AKAP19: variants seen among roughly 807,000 people sequenced by gnomAD.
AKAP19 encodes the protein A-kinase anchoring protein 19.
the AKAP19 span, chr2:190,057,607 G>A: frequency 1.2e-6 from 2 of 1,613,264 alleles, no homozygotes; most frequent in South Asian, 1.1e-5. Flanking sequence ...TCTTTTTGGT[G>A]TGTCTGTTAC....
chr2:189,967,411 A>T, the AKAP19 span, among the ~76,000 whole-genome samples: 1 of 152,250 alleles, frequency 6.6e-6, no homozygotes, highest in East Asian at 1.9e-4. Flanking sequence ...AAAGAAAAGG[A>T]AACTGCTAAA....
chr2:190,199,971 G>T, the AKAP19 span: 1 of 1,614,110 alleles, frequency 6.2e-7, no homozygotes, highest in Non-Finnish European at 8.5e-7. Context: ...GTCTACCTAG[G>T]ATGGCTTCTC....
chr2:189,930,843 T>G, the AKAP19 span: 6 of 767,174 alleles, frequency 7.8e-6, no homozygotes, highest in Admixed American at 1.1e-4. Context: ...TTTGTTAGGA[T>G]AGGTGTTTGC....
the AKAP19 span, among the ~76,000 whole-genome samples, chr2:190,089,198 A>G: frequency 6.6e-6 from 1 of 152,092 alleles, no homozygotes; most frequent in Non-Finnish European, 1.5e-5. Context: ...TGTACTCAGC[A>G]TGTCCATTTC....
At chr2:189,956,352 GT>G in the AKAP19 span, among the ~76,000 whole-genome samples, 1 of 149,892 alleles carries the variant, frequency 6.7e-6, no homozygotes, top group Non-Finnish European at 1.5e-5. Flanking sequence ...TGTATTTTTA[GT>G]AGAGACGGGG....
At chr2:190,065,254 G>A in the AKAP19 span, among the ~76,000 whole-genome samples, 3,712 of 152,140 alleles carry the variant, frequency 0.024, 163 homozygotes, top group East Asian at 0.18. Context: ...CAGGAAAGCT[G>A]CAATGGAAAG....
chr2:189,886,437 G>T, the AKAP19 span, among the ~76,000 whole-genome samples: 67,974 of 152,018 alleles, frequency 0.45, 19,161 homozygotes, highest in African/African-American at 0.81. Context: ...AACTTATTTA[G>T]TTACTCAGTA....
the AKAP19 span, among the ~76,000 whole-genome samples, chr2:190,038,901 TTTCTTCTTCTTCTTCTTCTTC>T: frequency 2.2e-5 from 1 of 46,002 alleles, no homozygotes; most frequent in African/African-American, 7.3e-5. Context: ...TCTTTCTTTC[TTTCTTCTTCTTCTTCTTCTTC>T]TTCTTCTTCT....
At chr2:190,174,742 T>G in the AKAP19 span, among the ~76,000 whole-genome samples, 1 of 152,234 alleles carries the variant, frequency 6.6e-6, no homozygotes, top group Non-Finnish European at 1.5e-5. Flanking sequence ...TTTATATGAC[T>G]TTTAACAATG....
the AKAP19 span, among the ~76,000 whole-genome samples, chr2:190,189,172 G>GA: frequency 6.6e-6 from 1 of 152,178 alleles, no homozygotes; most frequent in Non-Finnish European, 1.5e-5. Flanking sequence ...TGAGAAGAAA[G>GA]AAACAGAGAC....
the AKAP19 span, among the ~76,000 whole-genome samples, chr2:190,191,369 T>C: frequency 6.6e-6 from 1 of 152,170 alleles, no homozygotes; most frequent in African/African-American, 2.4e-5. Context: ...GGTCTCAAAC[T>C]CCTGACCTCA....
the AKAP19 span, chr2:189,923,438 G>T: frequency 6.2e-7 from 1 of 1,613,898 alleles, no homozygotes; most frequent in East Asian, 2.2e-5. Flanking sequence ...TGATGTGGAG[G>T]CAATCTTTTC....
the AKAP19 span, among the ~76,000 whole-genome samples, chr2:189,948,937 T>C: frequency 1.4e-4 from 21 of 152,320 alleles, no homozygotes; most frequent in African/African-American, 4.3e-4. Flanking sequence ...TGTTTTGTTT[T>C]TCTAGTTCTT....
At chr2:190,142,127 A>G in the AKAP19 span, among the ~76,000 whole-genome samples, 3 of 152,168 alleles carry the variant, frequency 2.0e-5, no homozygotes, top group African/African-American at 7.2e-5. Context: ...TATTGGTTCC[A>G]ACTGATTTCA....
At chr2:190,121,960 G>C in the AKAP19 span, among the ~76,000 whole-genome samples, 1 of 152,098 alleles carries the variant, frequency 6.6e-6, no homozygotes, top group South Asian at 2.1e-4. Flanking sequence ...TTCTTTGAGG[G>C]GGAATTTGTG....
At chr2:190,098,351 G>A in the AKAP19 span, among the ~76,000 whole-genome samples, 4 of 152,144 alleles carry the variant, frequency 2.6e-5, no homozygotes, top group Non-Finnish European at 5.9e-5. Context: ...TAAGCTCCAT[G>A]TATATGTGAA....
the AKAP19 span, among the ~76,000 whole-genome samples, chr2:190,037,626 G>T: frequency 6.6e-6 from 1 of 152,172 alleles, no homozygotes; most frequent in Non-Finnish European, 1.5e-5. Context: ...AAACCACTTG[G>T]AGCCATGTTG....
the AKAP19 span, among the ~76,000 whole-genome samples, chr2:189,948,163 G>A: frequency 6.6e-6 from 1 of 152,098 alleles, no homozygotes; most frequent in South Asian, 2.1e-4. Flanking sequence ...AAAATGTATA[G>A]CATTCTTCAT....
chr2:190,105,747 T>C, the AKAP19 span, among the ~76,000 whole-genome samples: 1 of 152,224 alleles, frequency 6.6e-6, no homozygotes, highest in Non-Finnish European at 1.5e-5. Flanking sequence ...CTGGTAATGC[T>C]CCCATGTGGT....
Sources: allele counts gnomAD v4.1 joint callset (sites outside exome capture counted in the v4.1 genomes callset), GRCh38; gene constraint gnomAD v4.1.1; transcripts MANE v1.5; gene names NCBI Gene and HGNC (gene_info 2026-07-23, HGNC 2026-07-21).